RALGAPA1: variants seen among roughly 807,000 people sequenced by gnomAD.
RALGAPA1 encodes the protein ral GTPase-activating protein subunit alpha-1.
RALGAPA1 carries 52 observed loss-of-function variants against 269.6 expected under a neutral mutation model. That is an observed-to-expected ratio of 0.19 (90% confidence interval 0.15 to 0.24). RALGAPA1 has a LOEUF of 0.24. Ranked by LOEUF, RALGAPA1 falls within the 10% of genes least tolerant of loss-of-function variation. The pLI is 1.00. For missense variants in RALGAPA1, 1,917 were observed against 3,013.9 expected, an observed-to-expected ratio of 0.64 and a Z score of 8.52; for synonymous variants, 817 against 1,008.3, an observed-to-expected ratio of 0.81 and a Z score of 3.60.
intron 35 of RALGAPA1, among the ~76,000 whole-genome samples, chr14:35,622,186 A>T (rs538398324): frequency 6.6e-6 from 1 of 152,358 alleles, no homozygotes; most frequent in South Asian, 2.1e-4. Context: ...ATGCAGCCAT[A>T]AAAAAGGATG....
At chr14:35,578,636 T>C (rs868717982) in intron 37 of RALGAPA1, among the ~76,000 whole-genome samples, 1 of 152,240 alleles carries the variant, frequency 6.6e-6, no homozygotes, top group African/African-American at 2.4e-5. Context: ...CAATAAATAC[T>C]GGTGACTATT....
intron 7 of RALGAPA1, chr14:35,756,260 A>G (rs2073165435): frequency 6.6e-6 from 1 of 152,252 alleles, no homozygotes; most frequent in Non-Finnish European, 1.5e-5. Context: ...TGATTTGAGA[A>G]AGAGATATTA....
At chr14:35,790,978 A>G (rs2076128145) in intron 1 of RALGAPA1, among the ~76,000 whole-genome samples, 1 of 152,200 alleles carries the variant, frequency 6.6e-6, no homozygotes, top group Non-Finnish European at 1.5e-5. Flanking sequence ...GCAACAGATG[A>G]AGCAGTCTTA....
At chr14:35,583,797 A>C (rs1243318775) in intron 37 of RALGAPA1, among the ~76,000 whole-genome samples, 1 of 152,168 alleles carries the variant, frequency 6.6e-6, no homozygotes, top group Non-Finnish European at 1.5e-5. Context: ...AGTAGAGTGA[A>C]ATATTTAAAG....
At chr14:35,578,717 G>T (rs901278127) in intron 37 of RALGAPA1, among the ~76,000 whole-genome samples, 3 of 152,174 alleles carry the variant, frequency 2.0e-5, no homozygotes, top group Non-Finnish European at 4.4e-5. Context: ...CATAAAAATA[G>T]AATTATCTGC....
chr14:35,726,264 C>T (rs1299194522), intron 13 of RALGAPA1, among the ~76,000 whole-genome samples: 3 of 152,110 alleles, frequency 2.0e-5, no homozygotes, highest in Non-Finnish European at 2.9e-5. Flanking sequence ...TATTAGCAAA[C>T]AAATGCATGC....
intron 31 of RALGAPA1, among the ~76,000 whole-genome samples, chr14:35,644,374 A>G (rs143322526): frequency 1.3e-5 from 2 of 152,336 alleles, no homozygotes; most frequent in East Asian, 3.9e-4. Context: ...TGAACCATAG[A>G]CTAAAAAAAT....
intron 33 of RALGAPA1, among the ~76,000 whole-genome samples, chr14:35,633,947 G>A (rs2061507210): frequency 6.6e-6 from 1 of 151,958 alleles, no homozygotes; most frequent in Admixed American, 6.6e-5. Flanking sequence ...TGTACAAAGG[G>A]CTTTACATAT....
chr14:35,573,750 T>C (rs1020755807), intron 37 of RALGAPA1, among the ~76,000 whole-genome samples: 5 of 152,170 alleles, frequency 3.3e-5, no homozygotes, highest in African/African-American at 1.2e-4. Context: ...AGTTGAATAA[T>C]ATAAATGTGT....
intron 3 of RALGAPA1, among the ~76,000 whole-genome samples, chr14:35,772,960 G>A (rs4981304): frequency 0.13 from 20,071 of 152,094 alleles, 1,373 homozygotes; most frequent in African/African-American, 0.14. Flanking sequence ...ACAGATAAAT[G>A]CTGGTCCCAC....
chr14:35,561,371 G>A (rs1231669642), intron 39 of RALGAPA1, among the ~76,000 whole-genome samples: 1 of 151,668 alleles, frequency 6.6e-6, no homozygotes, highest in South Asian at 2.1e-4. Flanking sequence ...ACATATATGG[G>A]GCCCCTGTTT....
Position 35,627,440 on chromosome 14 carries a change from T to C in RALGAPA1, c.6507A>G (p.Arg2169=). 6.2e-7 allele frequency: 1 copy of C among 1,613,506 alleles called. No homozygotes were observed. ...VKDGLSLQFK[R]FRETVPTWDT... is the part of the protein sequence containing the mutation. Reference sequence around the variant, plus strand: ...CCCAAGTTGGTACAGTTTCTCTAAATCTTTTAAACTGGAGAGAAAGTCCAT... The same window carrying C: ...CCCAAGTTGGTACAGTTTCTCTAAACCTTTTAAACTGGAGAGAAAGTCCAT... The change falls in exon 34 of 42, where the codon AGA becomes AGG. Residue 2169 remains arginine (R), a synonymous_variant. Transcript: ENST00000680220.
At chr14:35,549,382 G>T in intron 39 of RALGAPA1, 148 bp from the exon 40 acceptor site, 1 of 747,560 alleles carries the variant, frequency 1.3e-6, no homozygotes, top group Non-Finnish European at 2.0e-6. Flanking sequence ...TAACAGTATG[G>T]CTTTTTAAAG....
At position 35,690,018 on chromosome 14, in the gene RALGAPA1, A is replaced by C. The variant is rs1283636170; in HGVS notation, c.2408-15T>G. The C allele has an allele frequency of 2.6e-6, 4 of 1,513,682 alleles. No homozygotes were observed. The highest frequency in any genetic ancestry group is 1.3e-5 in the South Asian group (1 of 78,954). The allele number at this position is 1,513,682 out of a possible 1,614,324, so 93.8% of individuals were successfully genotyped here. A position where few individuals can be genotyped will look rare whatever the true frequency, so the allele number is the denominator to read the frequency against. On this transcript the variant is annotated splice_polypyrimidine_tract_variant and intron_variant, in intron 17 of 41. Coordinates refer to ENST00000680220, the MANE Select transcript of RALGAPA1 (RefSeq NM_001346249.2). ...ATCATCAATATCTGTAAAAGAAAAA[A>C]AAATTATGTAGAGAAGAACTACACA...
intron 8 of RALGAPA1, among the ~76,000 whole-genome samples, chr14:35,751,350 G>T (rs904878066): frequency 2.0e-5 from 3 of 152,150 alleles, no homozygotes; most frequent in African/African-American, 7.2e-5. Context: ...CCCCATATGG[G>T]GGGACCTTAA....
intron 25 of RALGAPA1, among the ~76,000 whole-genome samples, chr14:35,672,328 T>A (rs1440117522): frequency 7.9e-5 from 12 of 152,126 alleles, no homozygotes; most frequent in Admixed American, 3.9e-4. Context: ...ATGGCCAATA[T>A]CAAGACTCCC....
intron 1 of RALGAPA1, among the ~76,000 whole-genome samples, chr14:35,781,733 T>A (rs2141641779): frequency 6.6e-6 from 1 of 152,208 alleles, no homozygotes; most frequent in African/African-American, 2.4e-5. Context: ...AAAACTCACA[T>A]GATAGTTTCA....
At position 35,635,327 on chromosome 14, in the gene RALGAPA1, A is replaced by G. The variant is rs371396827; in HGVS notation, c.5811+137T>C. On this transcript the variant is annotated intron_variant, in intron 32 of 41. Transcript: ENST00000680220. ...TAGGAAGCACTTTTAAATTACCCTT[A>G]GGCACTGTAAGCTAAATATGTGTTC... 145 of 965,000 alleles carry G rather than the reference A, an allele frequency of 1.5e-4. 2 individuals carry two copies. The highest frequency in any genetic ancestry group is 1.1e-3 in the South Asian group (45 of 39,464). 59.8% of individuals were successfully genotyped at this position (965,000 alleles called of 1,614,324 possible). A position where few individuals can be genotyped will look rare whatever the true frequency, so the allele number is the denominator to read the frequency against.
chr14:35,667,573 C>A (rs139375434), intron 26 of RALGAPA1, among the ~76,000 whole-genome samples: 4 of 152,132 alleles, frequency 2.6e-5, no homozygotes, highest in African/African-American at 7.2e-5. Context: ...GTAAGTAGGT[C>A]CAGGATGGGG....
Sources: gnomAD v4.1 joint callset for allele counts (sites outside exome capture counted in the v4.1 genomes callset) on GRCh38, gnomAD v4.1.1 for gene constraint, MANE v1.5 for transcripts, NCBI Gene and HGNC (gene_info 2026-07-23, HGNC 2026-07-21) for gene names.